IL11RA: variants seen among roughly 807,000 people sequenced by gnomAD.
IL11RA encodes the protein interleukin 11 receptor subunit alpha.
A neutral mutation model predicts 57.0 loss-of-function variants in IL11RA; 51 were observed. That is an observed-to-expected ratio of 0.89 (90% CI 0.71 to 1.13). IL11RA has a LOEUF of 1.13. Among genes scored for constraint, IL11RA ranks in the 50% most tolerant of loss-of-function variants. IL11RA has a pLI of 0.00. For missense variants in IL11RA, 498 were observed against 539.4 expected (o/e 0.92, Z 0.76); for synonymous variants, 199 against 217.5 (o/e 0.91, Z 0.75).
chr9:34,656,636 G>A, intron 3 of IL11RA, 103 bp from the exon 4 acceptor site: 1 of 1,336,738 alleles, frequency 7.5e-7, no homozygotes, highest in Non-Finnish European at 1.1e-6. Flanking sequence ...AGGAATTTGG[G>A]TTCTATTGCA....
In IL11RA at chr9:34,657,021, C is replaced by T. The variant is rs1442378234; in HGVS notation, c.332-14C>T. 2.5e-6 allele frequency: 4 copies of T among 1,612,824 alleles called. No homozygotes were observed. Among genetic ancestry groups the T allele is most frequent in the East Asian group, 4.5e-5 (2 of 44,862 alleles). ...GAGGACTGCTCAGTCTCCAGGTGTA[C>T]CCTCTGCCTCTAGACCCTCCAGCCC... is the stretch of plus-strand genomic sequence containing the variant. On this transcript the variant is annotated splice_polypyrimidine_tract_variant and intron_variant, in intron 4 of 12. Coordinates refer to ENST00000441545, the MANE Select transcript of IL11RA (RefSeq NM_001142784.3).
Position 34,656,760 on chromosome 9 carries a change from G to C in IL11RA, c.183G>C (p.Arg61=), listed in dbSNP as rs373056098. The part of the protein sequence containing the change: ...VTAGDPVSWF[R]DGEPKLLQGP... ...CCAGGGACCCAGTGTCCTGGTTTCG[G>C]GATGGGGAGCCAAAGCTGCTCCAGG... Residue 61 remains arginine (R), a synonymous_variant, in exon 4 of 13, where the codon CGG becomes CGC. Coordinates refer to ENST00000441545, the MANE Select transcript of IL11RA (RefSeq NM_001142784.3). The C allele has an allele frequency of 1.2e-6, 2 of 1,614,194 alleles. No individual in the cohort carries two copies. Among genetic ancestry groups the C allele is most frequent in the Non-Finnish European group, 1.7e-6 (2 of 1,180,030 alleles).
intron 1 of IL11RA, among the ~76,000 whole-genome samples, chr9:34,654,883 G>A (rs550717915): frequency 2.0e-5 from 3 of 152,162 alleles, no homozygotes; most frequent in Non-Finnish European, 4.4e-5. Context: ...GCCAGGGGTG[G>A]GCGCCAAGGG....
chr9:34,655,377 G>A (rs1587245195), intron 2 of IL11RA, 60 bp downstream of exon 2: 16 of 1,073,276 alleles, frequency 1.5e-5, no homozygotes, highest in East Asian at 7.4e-5. Flanking sequence ...CACCCTCACT[G>A]TGGCCCCTTC....
intron 1 of IL11RA, among the ~76,000 whole-genome samples, chr9:34,654,519 A>T (rs929859590): frequency 1.3e-5 from 2 of 148,620 alleles, no homozygotes; most frequent in African/African-American, 4.9e-5. Context: ...CAGCCAGGGC[A>T]TCTGGATCTG....
At chr9:34,659,964 G>C in intron 9 of IL11RA, 64 bp downstream of exon 9, 1 of 1,587,302 alleles carries the variant, frequency 6.3e-7, no homozygotes, top group Middle Eastern at 1.7e-4. Context: ...AGCTGAACCA[G>C]TTCCAAAAGA....
In IL11RA at chr9:34,656,892, G is replaced by A; in HGVS notation, c.315G>A (p.Val105=). ...TGGATGGTGCACTTGGGGGCACAGT[G>A]ACCCTGCAGCTGGGCTGTGAGTTGG... ...QTLDGALGGT[V]TLQLGYPPAR... Residue 105 remains valine, a synonymous_variant, in exon 4 of 13, where the codon GTG becomes GTA. Coordinates refer to ENST00000441545, the MANE Select transcript of IL11RA (RefSeq NM_001142784.3). 1 of 1,614,124 alleles carries A rather than the reference G, an allele frequency of 6.2e-7. No individual in the cohort carries two copies. Among genetic ancestry groups the A allele is most frequent in the Non-Finnish European group, 8.5e-7 (1 of 1,180,002 alleles).
At position 34,653,777 on chromosome 9, in the gene IL11RA, C is replaced by A. The variant is rs1364168371; in HGVS notation, c.1-1441C>A. The A allele has an allele frequency of 6.6e-6, 1 of 151,718 alleles. No homozygotes were observed. Among genetic ancestry groups the A allele is most frequent in the Non-Finnish European group, 1.5e-5 (1 of 68,120 alleles). 9.4% of individuals were successfully genotyped at this position (151,718 alleles called of 1,614,324 possible). On this transcript the variant is annotated intron_variant, in intron 1 of 12. Coordinates refer to ENST00000441545, the MANE Select transcript of IL11RA (RefSeq NM_001142784.3). The surrounding 1 kb of genome is among the most constrained non-coding windows in gnomAD (Gnocchi z 4.5). Reference sequence around the variant, plus strand: ...TCCAGACTTGGGGGAGGCCTCTTCCCTTCCCAGGGCCTTGGGTGGGAGGGA... The same window carrying A: ...TCCAGACTTGGGGGAGGCCTCTTCCATTCCCAGGGCCTTGGGTGGGAGGGA...
In IL11RA at chr9:34,656,847, C is replaced by T. The variant is rs757663278; in HGVS notation, c.270C>T (p.Gly90=). 6.2e-6 allele frequency: 10 copies of T among 1,614,144 alleles called. No homozygotes were observed. Among genetic ancestry groups the T allele is most frequent in the Non-Finnish European group, 7.6e-6 (9 of 1,180,014 alleles). ...CCCAGGCAGACAGCACTGATGAGGGCACCTACATCTGCCAGACCCTGGATG... is the reference window on the plus strand; with the variant it reads ...CCCAGGCAGACAGCACTGATGAGGGTACCTACATCTGCCAGACCCTGGATG... ...VLAQADSTDE[G]TYICQTLDGA... is the part of the protein sequence containing the mutation. The change falls in exon 4 of 13, where the codon GGC becomes GGT. Residue 90 remains glycine, a synonymous_variant. Transcript: ENST00000441545.
chr9:34,659,228 A>T (rs1821406355), intron 8 of IL11RA, among the ~76,000 whole-genome samples: 2 of 152,304 alleles, frequency 1.3e-5, no homozygotes, highest in Middle Eastern at 3.4e-3. Context: ...CGGCCTAAAA[A>T]TAACTCTTAG....
chr9:34,661,445 T>C (rs1821454638), intron 12 of IL11RA, 37 bp from the exon 13 acceptor site: 1 of 1,612,704 alleles, frequency 6.2e-7, no homozygotes, highest in Non-Finnish European at 8.5e-7. Context: ...AGATCCGGTC[T>C]TACTGTCTCT....
In IL11RA at chr9:34,656,793, C is replaced by T. The variant is rs767164732; in HGVS notation, c.216C>T (p.Asp72=). Residue 72 remains aspartate (D), a synonymous_variant, in exon 4 of 13, where the codon GAC becomes GAT. Coordinates refer to ENST00000441545, the MANE Select transcript of IL11RA (RefSeq NM_001142784.3). ...DGEPKLLQGP[D]SGLGHELVLA... is the part of the protein sequence containing the mutation. The stretch of plus-strand genomic sequence containing the variant: ...AGCCAAAGCTGCTCCAGGGACCTGA[C>T]TCTGGGCTAGGGCATGAACTGGTCC... 20 of 1,614,054 alleles carry T rather than the reference C, an allele frequency of 1.2e-5. No homozygotes were observed. Among genetic ancestry groups the T allele is most frequent in the African/African-American group, 4.0e-5 (3 of 74,924 alleles).
intron 2 of IL11RA, 138 bp from the exon 3 acceptor site, chr9:34,655,467 C>G (rs1373248358): frequency 1.1e-6 from 1 of 891,520 alleles, no homozygotes; most frequent in Non-Finnish European, 1.8e-6. Flanking sequence ...TGACCTCTGT[C>G]TCCAGATTAT....
chr9:34,658,652 A>G lies in IL11RA; in HGVS notation c.779A>G (p.Tyr260Cys). The stretch of plus-strand genomic sequence containing the variant: ...TTCCTGCTCAAGTTCCGTTTGCAGT[A>G]CCGTCCGGCGCAGCATCCAGCCTGG... ...PHFLLKFRLQYRPAQHPAWST... is the reference protein window; with the variant it reads ...PHFLLKFRLQCRPAQHPAWST... The change falls in exon 8 of 13, where the codon TAC becomes TGC. Residue 260 changes from tyrosine to cysteine, a missense_variant. By Grantham distance (194) the Tyr-to-Cys change is radical (BLOSUM62 -2). Coordinates refer to ENST00000441545, the MANE Select transcript of IL11RA (RefSeq NM_001142784.3). The surrounding 1 kb of genome is among the most constrained non-coding windows in gnomAD (Gnocchi z 4.0). The G allele has an allele frequency of 6.2e-7, 1 of 1,613,756 alleles. No individual in the cohort carries two copies. Among genetic ancestry groups the G allele is most frequent in the Non-Finnish European group, 8.5e-7 (1 of 1,180,016 alleles).
rs1321240873 is a variant in IL11RA at position 34,656,743 on chromosome 9, C to T, written c.166C>T (p.Pro56Ser). The T allele has an allele frequency of 5.6e-6, 9 of 1,614,168 alleles. No homozygotes were observed. The highest frequency in any genetic ancestry group is 1.6e-4 in the Middle Eastern group (1 of 6,062). ...LCCPGVTAGD[P>S]VSWFRDGEPK... Reference sequence around the variant, plus strand: ...GTCACCTCATCTCACTTCCAGGGACCCAGTGTCCTGGTTTCGGGATGGGGA... The same window carrying T: ...GTCACCTCATCTCACTTCCAGGGACTCAGTGTCCTGGTTTCGGGATGGGGA... The change falls in exon 4 of 13, where the codon CCA becomes TCA. Residue 56 changes from proline (P) to serine (S), a missense_variant. Transcript: ENST00000441545.
intron 1 of IL11RA, among the ~76,000 whole-genome samples, chr9:34,652,576 G>T (rs1194220540): frequency 6.6e-6 from 1 of 152,146 alleles, no homozygotes; most frequent in Non-Finnish European, 1.5e-5. Context: ...GAAGGTCTCT[G>T]TGGGGTTTGA....
chr9:34,657,588 G>T lies in IL11RA; in HGVS notation c.646+1G>T, dbSNP rs762092215. ...CTGGATGTGAGCTTGCAGAGCATCT[G>T]TGAGTACCCACCCCAGACCTCCCCC... is the stretch of plus-strand genomic sequence containing the variant. On this transcript the variant is annotated splice_donor_variant, in intron 7 of 12. Transcript: ENST00000441545. LOFTEE classifies it high-confidence loss of function. 2 of 1,613,970 alleles carry T rather than the reference G, an allele frequency of 1.2e-6. No individual in the cohort carries two copies. The highest frequency in any genetic ancestry group is 1.7e-6 in the Non-Finnish European group (2 of 1,179,944).
At chr9:34,656,040 T>G in intron 3 of IL11RA, 3 of 315,922 alleles carry the variant, frequency 9.5e-6, no homozygotes, top group Non-Finnish European at 1.9e-5. Context: ...GTTACTTTTT[T>G]TTTTTTTTTT....
intron 3 of IL11RA, chr9:34,656,051 T>TTC: frequency 3.2e-6 from 1 of 314,880 alleles, no homozygotes; most frequent in East Asian, 7.7e-5. Context: ...TTTTTTTTTT[T>TTC]CCGAGAGTCT....
Sources: allele counts gnomAD v4.1 joint callset (sites outside exome capture counted in the v4.1 genomes callset), GRCh38; gene constraint gnomAD v4.1.1; non-coding constraint Gnocchi (gnomAD v3.1); transcripts MANE v1.5; gene names NCBI Gene and HGNC (gene_info 2026-07-23, HGNC 2026-07-21).